Variants in MICAL1 observed in about 807,000 individuals in gnomAD.
MICAL1 encodes [F-actin]-monooxygenase MICAL1.
In MICAL1, 95 loss-of-function variants were observed where a neutral mutation model predicts 131.8. That is an observed-to-expected ratio of 0.72 (90% CI 0.61 to 0.86). MICAL1 has a LOEUF of 0.86. MICAL1 is among the 40% of genes least tolerant of loss of function. The pLI is 0.00. For missense variants in MICAL1, 1,292 were observed against 1,380.6 expected (o/e 0.94, Z 1.02); for synonymous variants, 546 against 554.2 (o/e 0.99, Z 0.21).
rs1582640425 is a variant in MICAL1, at chr6:109,447,355, A to T, written c.2070+2T>A. The T allele has an allele frequency of 6.2e-7, 1 of 1,612,924 alleles. No individual in the cohort carries two copies. Among genetic ancestry groups the T allele is most frequent in the East Asian group, 2.2e-5 (1 of 44,748 alleles). On this transcript the variant is annotated splice_donor_variant, in intron 16 of 24. Transcript: ENST00000358807. LOFTEE classifies it high-confidence loss of function. ...TGCCTGCACACAAAGCCTGGCTCTC[A>T]CCTCCTGGTGTTGGGATGGGGGTGT...
At chr6:109,445,995 G>A in intron 19 of MICAL1, 133 bp from the exon 20 acceptor site, 2 of 1,483,522 alleles carry the variant, frequency 1.3e-6, no homozygotes, top group Non-Finnish European at 1.8e-6. Flanking sequence ...GGGAGGAACT[G>A]AGAAGAATGG....
intron 3 of MICAL1, 36 bp from the exon 4 acceptor site, chr6:109,453,403 G>A (rs746902860): frequency 6.3e-7 from 1 of 1,599,718 alleles, no homozygotes. Flanking sequence ...AGGGACCCTA[G>A]GGCAGCACAA....
Position 109,449,437 on chromosome 6 carries a change from C to T in MICAL1, c.1479G>A (p.Arg493=), listed in dbSNP as rs1451067645. ...TCCCTGTATCTGTCTTGTCGTTGTT[C>T]CTCTGCACAGGCTCCTTGGCTAGCA... ...YDVLAKEPVQ[R]NNDKTDTGMP... is the part of the protein sequence containing the mutation. The change falls in exon 11 of 25, where the codon AGG becomes AGA. Residue 493 remains arginine (R), a synonymous_variant. Coordinates refer to ENST00000358807, the MANE Select transcript of MICAL1 (RefSeq NM_022765.4). 1 of 1,614,220 alleles carries T rather than the reference C, an allele frequency of 6.2e-7. No homozygotes were observed. The highest frequency in any genetic ancestry group is 1.1e-5 in the South Asian group (1 of 91,090).
Position 109,452,233 on chromosome 6 carries a change from G to A in MICAL1, c.832+13C>T, listed in dbSNP as rs1048286048. The A allele has an allele frequency of 1.3e-5, 21 of 1,604,594 alleles. No homozygotes were observed. In the African/African-American group the frequency reaches 1.9e-4, roughly 14 times the overall value. ...GGCAGGGGGAGGGGAAATTCAGCAAGAGGGTCCCTGACCTGTGGCTTTGAG... is the reference window on the plus strand; with the variant it reads ...GGCAGGGGGAGGGGAAATTCAGCAAAAGGGTCCCTGACCTGTGGCTTTGAG... On this transcript the variant is annotated intron_variant, in intron 6 of 24. Coordinates refer to ENST00000358807, the MANE Select transcript of MICAL1 (RefSeq NM_022765.4).
rs767284787 is a variant in MICAL1 at position 109,451,727 on chromosome 6, G to A, written c.833-27C>T. ...TGGGGGTACAGGGCAGGGGACAGTA[G>A]ATATGTCTCCTGATAATGCATCACC... On this transcript the variant is annotated intron_variant, in intron 6 of 24. Coordinates refer to ENST00000358807, the MANE Select transcript of MICAL1 (RefSeq NM_022765.4). The A allele has an allele frequency of 2.5e-6, 4 of 1,612,598 alleles. No individual in the cohort carries two copies. The South Asian group carries it at 4.4e-5, about 18-fold the overall frequency.
At chr6:109,462,017 C>A (rs1775899565) in intron 1 of MICAL1, among the ~76,000 whole-genome samples, 1 of 149,366 alleles carries the variant, frequency 6.7e-6, no homozygotes, top group South Asian at 2.1e-4. Context: ...ACACTGCTCC[C>A]CTCCTCACTC....
intron 1 of MICAL1, among the ~76,000 whole-genome samples, chr6:109,461,346 C>T (rs1775884225): frequency 6.6e-6 from 1 of 152,036 alleles, no homozygotes; most frequent in Non-Finnish European, 1.5e-5. Flanking sequence ...CATTTTCTTA[C>T]CAATTAAGCT....
At chr6:109,455,926 G>A (rs2115343339), upstream of MICAL1, 1 of 985,478 alleles carries the variant, frequency 1.0e-6, no homozygotes, top group East Asian at 1.1e-4. The surrounding 1 kb of genome is among the most constrained non-coding windows in gnomAD (Gnocchi z 4.7). Context: ...CTTTATTCGC[G>A]ACTCATTAGC....
At position 109,446,304 on chromosome 6, in the gene MICAL1, G is replaced by A; in HGVS notation, c.2413C>T (p.Gln805Ter). Residue 805 changes from glutamine (Q) to a stop codon, truncating the protein, a stop_gained, in exon 19 of 25, where the codon CAG (glutamine) becomes TAG (stop). Transcript: ENST00000358807. LOFTEE classifies it high-confidence loss of function. ...VPDPSQPTRR[Q>*]IRLSSPERQR... is the part of the protein sequence containing the mutation. Reference sequence around the variant, plus strand: ...CGCTCCGGGCTGGAGAGGCGGATCTGCCGACGGGTGGGCTGGCTGGGATCT... The same window carrying A: ...CGCTCCGGGCTGGAGAGGCGGATCTACCGACGGGTGGGCTGGCTGGGATCT... 1.2e-6 allele frequency: 2 copies of A among 1,614,186 alleles called. No individual in the cohort carries two copies. The highest frequency in any genetic ancestry group is 2.2e-5 in the South Asian group (2 of 91,090).
At chr6:109,449,282 CAAT>C (rs760753637) in intron 11 of MICAL1, 115 bp downstream of exon 11, 19 of 1,137,064 alleles carry the variant, frequency 1.7e-5, no homozygotes, top group Middle Eastern at 2.0e-4. Context: ...CACCAGCCAA[CAAT>C]GAGTGCTCCG....
rs759411165 is a variant in MICAL1, at chr6:109,450,348, C to A, written c.1143G>T (p.Lys381Asn). 8.1e-6 allele frequency: 13 copies of A among 1,610,686 alleles called. No individual in the cohort carries two copies. Among genetic ancestry groups the A allele is most frequent in the Admixed American group, 5.0e-5 (3 of 59,984 alleles). The change falls in exon 8 of 25, where the codon AAG becomes AAT. Residue 381 changes from lysine (K) to asparagine (N), a missense_variant. By Grantham distance (94) the Lys-to-Asn change is moderately conservative (BLOSUM62 0). Transcript: ENST00000358807. ...RAESSARVQE[K>N]HGARLLLGLV... Reference sequence around the variant, plus strand: ...GTCCCAGCAGCAGGCGGGCGCCATGCTTCTCTTGCACACGAGCAGAACTCT... The same window carrying A: ...GTCCCAGCAGCAGGCGGGCGCCATGATTCTCTTGCACACGAGCAGAACTCT...
upstream of MICAL1, among the ~76,000 whole-genome samples, chr6:109,459,043 C>T (rs1775829205): frequency 1.3e-5 from 2 of 152,158 alleles, no homozygotes; most frequent in Non-Finnish European, 2.9e-5. Flanking sequence ...CCACCTGCCA[C>T]AAAGCCTTCA....
rs1456440586 is a variant in MICAL1, at chr6:109,444,743, C to G, written c.3037G>C (p.Gly1013Arg). ...CACCTACCTTCCCGGTTCATGTAGC[C>G]TCGTAGCTCCTGGTCCAGCTGCCAC... is the stretch of plus-strand genomic sequence containing the variant. ...KQWQLDQELR[G>R]YMNREENLKT... The change falls in exon 24 of 25, where the codon GGC becomes CGC. Residue 1013 changes from glycine to arginine, a missense_variant. Transcript: ENST00000358807. The G allele has an allele frequency of 1.2e-6, 2 of 1,614,112 alleles. No individual in the cohort carries two copies. The highest frequency in any genetic ancestry group is 1.7e-5 in the Admixed American group (1 of 60,026).
intron 1 of MICAL1, among the ~76,000 whole-genome samples, chr6:109,461,020 T>C (rs1299330132): frequency 4.6e-5 from 7 of 152,196 alleles, no homozygotes; most frequent in South Asian, 2.1e-4. Context: ...GCAGGTTACA[T>C]AGGTATACAT....
At chr6:109,446,482 G>T in intron 18 of MICAL1, 70 bp from the exon 19 acceptor site, 5 of 1,493,976 alleles carry the variant, frequency 3.3e-6, no homozygotes, top group Non-Finnish European at 3.7e-6. Context: ...GTGAGCCTTG[G>T]CATTCATTCA....
In MICAL1 at chr6:109,451,645, C is replaced by T; in HGVS notation, c.888G>A (p.Met296Ile). ...GCAGCAGGCACTGCTTCTTGGCTGT[C>T]ATCACAAAGTAGTGGGTGTCGTCCT... is the stretch of plus-strand genomic sequence containing the variant. ...YYKDDTHYFV[M>I]TAKKQCLLRL... Residue 296 changes from methionine to isoleucine, a missense_variant, in exon 7 of 25, where the codon ATG becomes ATA. By Grantham distance (10) the Met-to-Ile change is conservative. Coordinates refer to ENST00000358807, the MANE Select transcript of MICAL1 (RefSeq NM_022765.4). 1 of 1,614,096 alleles carries T rather than the reference C, an allele frequency of 6.2e-7. No individual in the cohort carries two copies.
rs1775483699 is a variant in MICAL1 at position 109,450,291 on chromosome 6, A to G, written c.1191+9T>C. ...ACCATGAAACCCCTGTGCCTCCTGA[A>G]CCCCTCACCTCCACCAGGCAGTCCC... On this transcript the variant is annotated intron_variant, in intron 8 of 24. Coordinates refer to ENST00000358807, the MANE Select transcript of MICAL1 (RefSeq NM_022765.4). The G allele has an allele frequency of 6.3e-7, 1 of 1,598,862 alleles. No homozygotes were observed. Among genetic ancestry groups the G allele is most frequent in the Non-Finnish European group, 8.6e-7 (1 of 1,169,050 alleles).
chr6:109,448,959 G>A (rs1775380708), intron 11 of MICAL1, 80 bp from the exon 12 acceptor site: 4 of 1,560,790 alleles, frequency 2.6e-6, no homozygotes, highest in Non-Finnish European at 3.5e-6. Context: ...CTGCATGTGG[G>A]GGTTCTGTAG....
chr6:109,452,280 G>C lies in MICAL1; in HGVS notation c.798C>G (p.Asn266Lys). 6.2e-7 allele frequency: 1 copy of C among 1,614,096 alleles called. No individual in the cohort carries two copies. The highest frequency in any genetic ancestry group is 1.1e-5 in the South Asian group (1 of 91,088). The part of the protein sequence containing the change: ...PEISGVARIY[N>K]QSFFQSLLKA... The stretch of plus-strand genomic sequence containing the variant: ...TGAGAAGGCTCTGGAAGAAGCTCTG[G>C]TTGTAGATCCTGGCTACACCACTGA... Residue 266 changes from asparagine to lysine, a missense_variant, in exon 6 of 25, where the codon AAC (asparagine) becomes AAG (lysine). Asn to Lys is a moderately conservative substitution (Grantham distance 94). Coordinates refer to ENST00000358807, the MANE Select transcript of MICAL1 (RefSeq NM_022765.4).
Sources: allele counts gnomAD v4.1 joint callset (sites outside exome capture counted in the v4.1 genomes callset), GRCh38; gene constraint gnomAD v4.1.1; non-coding constraint Gnocchi (gnomAD v3.1); transcripts MANE v1.5; gene names NCBI Gene and HGNC (gene_info 2026-07-23, HGNC 2026-07-21).